Variants in ZNF544 observed in about 807,000 individuals in gnomAD.
ZNF544 encodes the protein zinc finger protein AF020591.
A neutral mutation model predicts 13.5 loss-of-function variants in ZNF544; 10 were observed. The ratio of observed to expected loss-of-function variants is 0.74; its 90% CI spans 0.46 to 1.25. The LOEUF (loss-of-function observed/expected upper bound fraction) is 1.25. Among genes scored for constraint, ZNF544 ranks in the 50% most tolerant of loss-of-function variants. The probability of loss-of-function intolerance (pLI) is 0.00; values close to 1 mark genes in which losing one functional copy is unlikely to be tolerated. For missense variants in ZNF544, 896 were observed against 845.6 expected, an observed-to-expected ratio of 1.06 and a Z score of -0.74; for synonymous variants, 323 against 300.5, an observed-to-expected ratio of 1.07 and a Z score of -0.77.
At chr19:58,266,232 AAAAG>A (rs1375772200), downstream of ZNF544, among the ~76,000 whole-genome samples, 2 of 149,366 alleles carry the variant, frequency 1.3e-5, no homozygotes, top group South Asian at 2.1e-4. Flanking sequence ...AAAAAAAAAA[AAAAG>A]GGCTGTGTGC....
At chr19:58,236,058 C>G (rs1331684878) in intron 3 of ZNF544, among the ~76,000 whole-genome samples, 1 of 143,422 alleles carries the variant, frequency 7.0e-6, no homozygotes, top group Non-Finnish European at 1.5e-5. Flanking sequence ...GAAACTCTGT[C>G]TCAAAAAAAA....
chr19:58,244,157 C>A, intron 4 of ZNF544, 101 bp downstream of exon 4: 1 of 1,020,216 alleles, frequency 9.8e-7, no homozygotes, highest in East Asian at 2.8e-5. Context: ...AGGAGCGCTC[C>A]GCAGTGCTGG....
chr19:58,274,602 C>T (rs2051074815), intron 5 of ZNF544, among the ~76,000 whole-genome samples: 1 of 152,140 alleles, frequency 6.6e-6, no homozygotes, highest in South Asian at 2.1e-4. Flanking sequence ...TTAAGCCACC[C>T]CATTTGTGGT....
chr19:58,260,758 A>ACACTTCCATT (rs2048743270), intron 6 of ZNF544, 93 bp from the exon 7 acceptor site: 2 of 1,181,888 alleles, frequency 1.7e-6, no homozygotes, highest in East Asian at 5.1e-5. Context: ...CAAACCAGAG[A>ACACTTCCATT]CACTTCCATT....
In ZNF544 at chr19:58,263,432, G is replaced by A. The variant is rs1478207563; in HGVS notation, c.*678G>A. 1 of 985,304 alleles carries A rather than the reference G, an allele frequency of 1.0e-6. No homozygotes were observed. Among genetic ancestry groups the A allele is most frequent in the Non-Finnish European group, 1.2e-6 (1 of 829,926 alleles). The allele number at this position is 985,304 out of a possible 1,614,324, so 61.0% of individuals were successfully genotyped here. A position where few individuals can be genotyped will look rare whatever the true frequency, so the allele number is the denominator to read the frequency against. On this transcript the variant is annotated 3_prime_UTR_variant, in exon 7 of 7. Transcript: ENST00000687789. The stretch of plus-strand genomic sequence containing the variant: ...GCTGTGATCATGCCATCACACCGCT[G>A]CCTTGTGAGAGATTGAGACACTCTA...
At chr19:58,273,655 A>G (rs1424886766) in intron 5 of ZNF544, among the ~76,000 whole-genome samples, 4 of 143,534 alleles carry the variant, frequency 2.8e-5, no homozygotes, top group Admixed American at 7.3e-5. Flanking sequence ...GTGTCACTGC[A>G]CTCCAGCCTG....
At chr19:58,241,171 AT>A (rs2043629523) in intron 3 of ZNF544, among the ~76,000 whole-genome samples, 1 of 88,072 alleles carries the variant, frequency 1.1e-5, no homozygotes, top group African/African-American at 5.2e-5. Context: ...AAATATATAT[AT>A]ATATATATTT....
At position 58,242,813 on chromosome 19, in the gene ZNF544, C is replaced by T. The variant is rs1431105196; in HGVS notation, c.-59-1152C>T. Among the ~76,000 whole-genome samples the T allele has an allele frequency of 4.6e-5, 7 of 152,150 alleles. No homozygotes were observed. The East Asian group carries it at 1.2e-3, about 25-fold the overall frequency. ...CCCCGGGTTCAAGGGATTCTCCTGC[C>T]TCAGCCTTCTGGGTAGCTGGGATTG... On this transcript the variant is annotated intron_variant, in intron 3 of 6. Coordinates refer to ENST00000687789, the MANE Select transcript of ZNF544 (RefSeq NM_014480.4).
intron 3 of ZNF544, among the ~76,000 whole-genome samples, chr19:58,237,451 C>A (rs1296705546): frequency 6.6e-6 from 1 of 152,190 alleles, no homozygotes; most frequent in Non-Finnish European, 1.5e-5. Flanking sequence ...GCTTGCTGGT[C>A]CTGGCAGCCT....
At chr19:58,271,326 A>T (rs2050614377) in intron 5 of ZNF544, among the ~76,000 whole-genome samples, 1 of 151,322 alleles carries the variant, frequency 6.6e-6, no homozygotes, top group Admixed American at 6.6e-5. Context: ...GGTGCAGTGG[A>T]TATGGTGGTG....
At position 58,262,794 on chromosome 19, in the gene ZNF544, C is replaced by A. The variant is rs1457000506; in HGVS notation, c.*40C>A. ...TGGGAAAGCTTTCATCCAGAGGTCT[C>A]CCCTCATCATGCACCAGAGGACGCA... On this transcript the variant is annotated 3_prime_UTR_variant, in exon 7 of 7. Coordinates refer to ENST00000687789, the MANE Select transcript of ZNF544 (RefSeq NM_014480.4). The A allele has an allele frequency of 3.2e-6, 5 of 1,552,948 alleles. No individual in the cohort carries two copies. The East Asian group carries it at 1.1e-4, about 35-fold the overall frequency.
At position 58,263,536 on chromosome 19, in the gene ZNF544, A is replaced by T. The variant is rs2049425803; in HGVS notation, c.*782A>T. On this transcript the variant is annotated 3_prime_UTR_variant, in exon 7 of 7. Transcript: ENST00000687789. The stretch of plus-strand genomic sequence containing the variant: ...ATCAGGTGGCCAAAACATGACTCTC[A>T]GAGTGGGGCTTCATGACCATGTGCA... The T allele has an allele frequency of 1.4e-5, 14 of 985,480 alleles. No individual in the cohort carries two copies. In the South Asian group the frequency reaches 6.6e-4, roughly 46 times the overall value. 61.0% of individuals were successfully genotyped at this position (985,480 alleles called of 1,614,324 possible). A position where few individuals can be genotyped will look rare whatever the true frequency, so the allele number is the denominator to read the frequency against.
intron 6 of ZNF544, chr19:58,258,473 G>A (rs2048106836): frequency 7.1e-6 from 1 of 140,258 alleles, no homozygotes; most frequent in African/African-American, 2.7e-5. Flanking sequence ...CACCAGGTGT[G>A]AGGGTGCTGG....
At chr19:58,252,861 C>T (rs910393658) in intron 6 of ZNF544, among the ~76,000 whole-genome samples, 9 of 152,208 alleles carry the variant, frequency 5.9e-5, no homozygotes, top group Non-Finnish European at 1.3e-4. Context: ...TGCTCTGTCA[C>T]CAGGCTAGAG....
At chr19:58,277,126 C>G (rs2051279932) in intron 6 of ZNF544, 2 of 1,213,996 alleles carry the variant, frequency 1.6e-6, no homozygotes, top group Admixed American at 8.4e-5. Context: ...GAGCTCAGTC[C>G]AAAACCATGT....
At chr19:58,241,202 G>A (rs1305488054) in intron 3 of ZNF544, among the ~76,000 whole-genome samples, 6 of 40,798 alleles carry the variant, frequency 1.5e-4, no homozygotes, top group African/African-American at 4.6e-4. Flanking sequence ...TGTAGAGATA[G>A]GGTCTCACTG....
chr19:58,242,388 A>T (rs139777947), intron 3 of ZNF544: 16 of 538,138 alleles, frequency 3.0e-5, no homozygotes, highest in Non-Finnish European at 3.3e-5. Context: ...ATTCCAGGGA[A>T]TTTTTTTTTT....
intron 5 of ZNF544, among the ~76,000 whole-genome samples, chr19:58,273,881 T>C (rs2050981709): frequency 1.3e-5 from 2 of 151,630 alleles, no homozygotes; most frequent in East Asian, 2.0e-4. Flanking sequence ...CTGCAACCTC[T>C]GCCTCCCGGG....
chr19:58,246,228 A>C, intron 4 of ZNF544, 73 bp from the exon 5 acceptor site: 2 of 1,602,010 alleles, frequency 1.2e-6, no homozygotes, highest in Non-Finnish European at 1.7e-6. Context: ...ACCAACATTT[A>C]GGCCTTAACA....
Sources: gnomAD v4.1 joint callset for allele counts (sites outside exome capture counted in the v4.1 genomes callset) on GRCh38, gnomAD v4.1.1 for gene constraint, MANE v1.5 for transcripts, NCBI Gene and HGNC (gene_info 2026-07-23, HGNC 2026-07-21) for gene names.